FCRLB: variants seen among roughly 807,000 people sequenced by gnomAD.
FCRLB encodes Fc receptor like B.
In FCRLB, 34 loss-of-function variants were observed where a neutral mutation model predicts 33.6. That is an observed-to-expected ratio of 1.01 (90% CI 0.77 to 1.35). FCRLB has a LOEUF of 1.35. Among genes scored for constraint, FCRLB ranks in the 40% most tolerant of loss-of-function variants. The probability of loss-of-function intolerance (pLI) is 0.00; values close to 1 mark genes in which losing one functional copy is unlikely to be tolerated. For synonymous variants in FCRLB, 280 were observed against 255.9 expected (o/e 1.09, Z -0.90); for missense variants, 560 against 580.2 (o/e 0.97, Z 0.36).
chr1:161,723,429 C>T (rs748804578), exon 5 of FCRLB: 23 of 1,614,020 alleles, frequency 1.4e-5, no homozygotes, highest in African/African-American at 8.0e-5. Flanking sequence ...CAAAGGGGAG[C>T]GGGTAACTTT....
chr1:161,725,686 A>T lies in FCRLB; in HGVS notation c.308-135A>T, dbSNP rs1013814859. On this transcript the variant is annotated intron_variant, in intron 5 of 7. Coordinates refer to ENST00000367948, the Ensembl canonical transcript of FCRLB. ...AGAAAAAAAGAAAGAAAAAGAAAAG[A>T]AAAGAAAGCGGTGGGAGATGGCGGG... The T allele has an allele frequency of 2.7e-6, 3 of 1,109,802 alleles. No individual in the cohort carries two copies. In the East Asian group the frequency reaches 7.4e-5, roughly 27 times the overall value. 68.7% of individuals were successfully genotyped at this position (1,109,802 alleles called of 1,614,324 possible).
intron 4 of FCRLB, among the ~76,000 whole-genome samples, 159 bp downstream of exon 4, chr1:161,723,168 G>T (rs920496077): frequency 6.6e-6 from 1 of 152,152 alleles, no homozygotes; most frequent in Non-Finnish European, 1.5e-5. Flanking sequence ...AAGGCATTTA[G>T]AAATGGGTGC....
intron 4 of FCRLB, 22 bp downstream of exon 4, chr1:161,723,031 T>A: frequency 1.2e-6 from 2 of 1,613,830 alleles, no homozygotes; most frequent in South Asian, 2.2e-5. Context: ...AAATTTCTCA[T>A]CCCAATTTTC....
rs749386455 is a variant in FCRLB at position 161,726,813 on chromosome 1, G to T, written c.685G>T (p.Asp229Tyr). 1.3e-6 allele frequency: 2 copies of T among 1,564,130 alleles called. No homozygotes were observed. Among genetic ancestry groups the T allele is most frequent in the South Asian group, 1.2e-5 (1 of 85,202 alleles). ...CACGCGCCTGCACCCGCAGAAGCGC[G>T]ACACGCCGCTGCAGTTCGCGTTTTA... Residue 229 changes from aspartate (D) to tyrosine (Y), a missense_variant, in exon 7 of 8, where the codon GAC becomes TAC. By Grantham distance (160) the Asp-to-Tyr change is radical. Coordinates refer to ENST00000367948, the Ensembl canonical transcript of FCRLB. This position sits in a 1 kb window ranked among gnomAD's most constrained non-coding sequence, Gnocchi z 5.2.
At position 161,726,700 on chromosome 1, in the gene FCRLB, T is replaced by C. The variant is rs1181216689; in HGVS notation, c.575-3T>C. On this transcript the variant is annotated splice_region_variant and splice_polypyrimidine_tract_variant and intron_variant, in intron 6 of 7. Transcript: ENST00000367948. This position sits in a 1 kb window ranked among gnomAD's most constrained non-coding sequence, Gnocchi z 5.2. ...GCGCCGTTGCTCCCCGCCCTCTCCG[T>C]AGAGCTGTTCCGGGCGCCGGTGCTG... 6.9e-6 allele frequency: 11 copies of C among 1,589,686 alleles called. No individual in the cohort carries two copies. The highest frequency in any genetic ancestry group is 9.4e-6 in the Non-Finnish European group (11 of 1,173,830).
chr1:161,723,751 G>A, intron 5 of FCRLB, 130 bp downstream of exon 5: 3 of 1,382,494 alleles, frequency 2.2e-6, no homozygotes, highest in Non-Finnish European at 2.9e-6. Context: ...CCTATCTTAA[G>A]TCTCTGGAGC....
chr1:161,723,253 TG>T, intron 4 of FCRLB, 113 bp from the exon 5 acceptor site: 1 of 1,332,812 alleles, frequency 7.5e-7, no homozygotes, highest in Non-Finnish European at 1.0e-6. Flanking sequence ...GTACATGGGC[TG>T]GGGCCTGCGA....
chr1:161,722,505 G>A (rs1683403452), intron 2 of FCRLB, 148 bp from the exon 3 acceptor site: 3 of 733,484 alleles, frequency 4.1e-6, no homozygotes, highest in East Asian at 5.1e-5. Flanking sequence ...TATTCAGCCT[G>A]TCTCCCACTG....
rs371838000 is a variant in FCRLB, at chr1:161,726,970, C to T, written c.842C>T (p.Pro281Leu). The change falls in exon 7 of 8, where the codon CCG becomes CTG. Residue 281 changes from proline to leucine, a missense_variant. Coordinates refer to ENST00000367948, the Ensembl canonical transcript of FCRLB. The surrounding 1 kb of genome is among the most constrained non-coding windows in gnomAD (Gnocchi z 5.2). ...ACCCGCAGTGTCCGGAAACGCAGTC[C>T]GTGGCTGCAGCTCCCGGGGCCGGGT... 5 of 1,532,498 alleles carry T rather than the reference C, an allele frequency of 3.3e-6. No individual in the cohort carries two copies. The African/African-American group carries it at 5.5e-5, about 17-fold the overall frequency. The allele number at this position is 1,532,498 out of a possible 1,614,324, so 94.9% of individuals were successfully genotyped here.
Position 161,727,588 on chromosome 1 carries a change from G to T in FCRLB, c.1207G>T (p.Gly403Ter). The change falls in exon 8 of 8, where the codon GGA becomes TGA. Residue 403 changes from glycine to a stop codon, truncating the protein, a stop_gained. Transcript: ENST00000367948. LOFTEE classifies it low-confidence loss of function (END_TRUNC). ...GCCACAGGCCCTCCGGGAGCTCAGG[G>T]GAACGCCCGAGACCCCCACCTCTCA... 1 of 1,614,194 alleles carries T rather than the reference G, an allele frequency of 6.2e-7. No homozygotes were observed. Among genetic ancestry groups the T allele is most frequent in the East Asian group, 2.2e-5 (1 of 44,878 alleles).
chr1:161,723,248 T>C (rs1276334290), intron 4 of FCRLB, 119 bp from the exon 5 acceptor site: 22 of 1,297,026 alleles, frequency 1.7e-5, no homozygotes, highest in Non-Finnish European at 2.0e-5. Context: ...GGTTAGTACA[T>C]GGGCTGGGGC....
Position 161,726,322 on chromosome 1 carries a change from G to A in FCRLB, c.574+235G>A. 1 of 803,676 alleles carries A rather than the reference G, an allele frequency of 1.2e-6. No homozygotes were observed. Among genetic ancestry groups the A allele is most frequent in the Non-Finnish European group, 2.1e-6 (1 of 479,332 alleles). The allele number at this position is 803,676 out of a possible 1,614,324, so 49.8% of individuals were successfully genotyped here. On this transcript the variant is annotated intron_variant, in intron 6 of 7. Coordinates refer to ENST00000367948, the Ensembl canonical transcript of FCRLB. This position sits in a 1 kb window ranked among gnomAD's most constrained non-coding sequence, Gnocchi z 5.2. ...ATCCTGGCTTCTCACTCTGGCTGGG[G>A]ACTCCCACAGAGAGGGCAGCTCTGG...
chr1:161,722,121 C>T (rs1389472816), intron 2 of FCRLB, among the ~76,000 whole-genome samples: 3 of 152,250 alleles, frequency 2.0e-5, no homozygotes, highest in East Asian at 1.9e-4. Context: ...CATGCCTTTT[C>T]GTCTACTCAT....
chr1:161,725,854 T>G (rs1431480315), exon 6 of FCRLB: 1 of 1,613,320 alleles, frequency 6.2e-7, no homozygotes. Context: ...TATGCGCCAG[T>G]GTTCGAGGGT....
At chr1:161,722,852 C>T in intron 3 of FCRLB, 137 bp from the exon 4 acceptor site, 1 of 1,497,094 alleles carries the variant, frequency 6.7e-7, no homozygotes, top group South Asian at 1.2e-5. Flanking sequence ...GGGGCTTTCT[C>T]AGAGCTTGGG....
At chr1:161,723,335 G>A (rs1305955976) in intron 4 of FCRLB, 32 bp from the exon 5 acceptor site, 5 of 1,606,182 alleles carry the variant, frequency 3.1e-6, no homozygotes, top group East Asian at 2.2e-5. Flanking sequence ...CTCTTTGCAT[G>A]CTGCCCCCTC....
chr1:161,727,448 C>T, exon 8 of FCRLB: 3 of 1,613,492 alleles, frequency 1.9e-6, no homozygotes, highest in Admixed American at 3.3e-5. Context: ...GCCTGCGCTC[C>T]GCCGACGCCC....
chr1:161,726,099 C>T lies in FCRLB; in HGVS notation c.574+12C>T, dbSNP rs1191770270. On this transcript the variant is annotated intron_variant, in intron 6 of 7. Transcript: ENST00000367948. This position sits in a 1 kb window ranked among gnomAD's most constrained non-coding sequence, Gnocchi z 5.2. ...TGTGACAGTGCAAGGTGGGAGAGAC[C>T]AGGGGCCCCGGGAGGGAGGCAAATG... 3 of 1,605,250 alleles carry T rather than the reference C, an allele frequency of 1.9e-6. No individual in the cohort carries two copies. The highest frequency in any genetic ancestry group is 2.6e-6 in the Non-Finnish European group (3 of 1,173,860).
Position 161,726,750 on chromosome 1 carries a change from C to T in FCRLB, c.622C>T (p.Arg208Cys), listed in dbSNP as rs1258090440. The T allele has an allele frequency of 6.9e-6, 11 of 1,589,042 alleles. No individual in the cohort carries two copies. Among genetic ancestry groups the T allele is most frequent in the Non-Finnish European group, 8.5e-6 (10 of 1,171,426 alleles). ...GAGGGTGATGGGTCCGCGGGAGGCC[C>T]GCGGCGCGGCGCTGGGTGGGGTGGT... Residue 208 changes from arginine to cysteine, a missense_variant, in exon 7 of 8, where the codon CGC becomes TGC. Arg to Cys is a radical substitution (Grantham distance 180, BLOSUM62 -3). Transcript: ENST00000367948. This position sits in a 1 kb window ranked among gnomAD's most constrained non-coding sequence, Gnocchi z 5.2.
Sources: allele counts gnomAD v4.1 joint callset (sites outside exome capture counted in the v4.1 genomes callset), GRCh38; gene constraint gnomAD v4.1.1; non-coding constraint Gnocchi (gnomAD v3.1); transcripts MANE v1.5; gene names NCBI Gene and HGNC (gene_info 2026-07-23, HGNC 2026-07-21).